Variants in SFMBT2 observed in about 807,000 individuals in gnomAD.
The protein encoded by SFMBT2 is Scm like with four mbt domains 2, also known as scm-like with four MBT domains protein 2.
A neutral mutation model predicts 110.1 loss-of-function variants in SFMBT2; 38 were observed. The ratio of observed to expected loss-of-function variants is 0.35; its 90% CI spans 0.27 to 0.45. The LOEUF is 0.45. Ranked by LOEUF, SFMBT2 falls within the 20% of genes least tolerant of loss-of-function variation. SFMBT2 has a pLI of 1.00. For missense variants in SFMBT2, 1,011 were observed against 1,094.9 expected, an observed-to-expected ratio of 0.92 and a Z score of 1.08; for synonymous variants, 425 against 425.4, an observed-to-expected ratio of 1.00 and a Z score of 0.01.
intron 15 of SFMBT2, among the ~76,000 whole-genome samples, chr10:7,194,437 C>T (rs1838706520): frequency 6.6e-6 from 1 of 152,210 alleles, no homozygotes; most frequent in African/African-American, 2.4e-5. Flanking sequence ...AAGACCATGT[C>T]TGCATCCACA....
At chr10:7,329,397 C>G (rs1843496685) in intron 4 of SFMBT2, 1 of 975,088 alleles carries the variant, frequency 1.0e-6, no homozygotes, top group African/African-American at 1.8e-5. Context: ...CAGCAGCCAT[C>G]AGCGCAGCAC....
At chr10:7,374,829 A>T (rs998367313) in intron 2 of SFMBT2, among the ~76,000 whole-genome samples, 2 of 152,252 alleles carry the variant, frequency 1.3e-5, no homozygotes, top group Non-Finnish European at 2.9e-5. Context: ...TTCACAATAC[A>T]GCCTTTTAAA....
At chr10:7,222,668 C>T (rs1839781367) in intron 10 of SFMBT2, among the ~76,000 whole-genome samples, 3 of 151,718 alleles carry the variant, frequency 2.0e-5, no homozygotes. Flanking sequence ...GTTCAATCCC[C>T]ATCTTCTTTT....
chr10:7,392,740 T>G (rs944628522), intron 1 of SFMBT2, among the ~76,000 whole-genome samples: 43 of 151,968 alleles, frequency 2.8e-4, no homozygotes, highest in Non-Finnish European at 1.3e-4. Flanking sequence ...TAGTCAGATC[T>G]ATCAATTTGC....
Position 7,163,732 on chromosome 10 carries a change from G to T in SFMBT2, c.*38C>A. 1.3e-6 allele frequency: 2 copies of T among 1,573,944 alleles called. No homozygotes were observed. Among genetic ancestry groups the T allele is most frequent in the Non-Finnish European group, 1.7e-6 (2 of 1,146,340 alleles). ...AGTCCTGGAAACCTTTACCAACACCGCATCCCAGCAATAATGGGCCACCTC... is the reference window on the plus strand; with the variant it reads ...AGTCCTGGAAACCTTTACCAACACCTCATCCCAGCAATAATGGGCCACCTC... On this transcript the variant is annotated 3_prime_UTR_variant, in exon 21 of 21. Coordinates refer to ENST00000397167, the MANE Select transcript of SFMBT2 (RefSeq NM_001387889.1). This position sits in a 1 kb window ranked among gnomAD's most constrained non-coding sequence, Gnocchi z 4.8.
chr10:7,370,239 C>T (rs1845024952), intron 3 of SFMBT2, 42 bp downstream of exon 3: 2 of 1,556,436 alleles, frequency 1.3e-6, no homozygotes, highest in East Asian at 4.5e-5. Flanking sequence ...CCTTCCCTTC[C>T]CACTTTCTAG....
chr10:7,347,835 A>G lies in SFMBT2; in HGVS notation c.436+19814T>C, dbSNP rs549832744. ...ATTTGCTGGTTAGTTATTCATGTCA[A>G]CATTCACCCTGCAGAATCCTTCATA... On this transcript the variant is annotated intron_variant, in intron 4 of 20. Transcript: ENST00000397167. Among the ~76,000 whole-genome samples the G allele has an allele frequency of 3.9e-5, 6 of 152,374 alleles. No homozygotes were observed. The East Asian group carries it at 1.2e-3, about 29-fold the overall frequency.
chr10:7,205,243 A>G, intron 12 of SFMBT2: 1 of 243,286 alleles, frequency 4.1e-6, no homozygotes, highest in Non-Finnish European at 6.6e-6. Flanking sequence ...TGCTTGACTA[A>G]TTTACTTATA....
chr10:7,289,717 T>C (rs1324474273), intron 4 of SFMBT2, among the ~76,000 whole-genome samples: 1 of 152,262 alleles, frequency 6.6e-6, no homozygotes, highest in Non-Finnish European at 1.5e-5. Flanking sequence ...CTCAAAGCTC[T>C]AATATTCAAA....
chr10:7,345,578 C>T (rs1384810105), intron 4 of SFMBT2, among the ~76,000 whole-genome samples: 2 of 152,102 alleles, frequency 1.3e-5, no homozygotes, highest in East Asian at 3.9e-4. Flanking sequence ...AGGCTGGTCT[C>T]GAACTCCTGA....
chr10:7,274,568 T>C (rs1471637463), intron 7 of SFMBT2, among the ~76,000 whole-genome samples: 2 of 152,198 alleles, frequency 1.3e-5, no homozygotes, highest in Non-Finnish European at 2.9e-5. Context: ...ACATCTTTGC[T>C]TCCCCTTTTG....
At chr10:7,297,862 T>A (rs560830537) in intron 4 of SFMBT2, among the ~76,000 whole-genome samples, 1 of 152,172 alleles carries the variant, frequency 6.6e-6, no homozygotes, top group African/African-American at 2.4e-5. Flanking sequence ...GACACCTGTA[T>A]ACCTGAGGAT....
chr10:7,343,063 G>A (rs911483088), intron 4 of SFMBT2, among the ~76,000 whole-genome samples: 8 of 151,876 alleles, frequency 5.3e-5, no homozygotes, highest in Non-Finnish European at 2.9e-5. Context: ...GTAGGCCCCC[G>A]TGTCTATGAT....
At chr10:7,359,300 C>G (rs950691435) in intron 4 of SFMBT2, among the ~76,000 whole-genome samples, 5 of 152,332 alleles carry the variant, frequency 3.3e-5, no homozygotes, top group African/African-American at 1.2e-4. Context: ...CCGTGATCAT[C>G]TGAGCTGCAT....
chr10:7,388,330 GAT>G (rs2132097863), intron 1 of SFMBT2, among the ~76,000 whole-genome samples: 1 of 124,278 alleles, frequency 8.0e-6, no homozygotes, highest in Admixed American at 7.6e-5. Context: ...AAAGAAGGAT[GAT>G]GATGATGATG....
intron 4 of SFMBT2, among the ~76,000 whole-genome samples, chr10:7,354,352 A>G (rs994418325): frequency 6.6e-6 from 1 of 152,306 alleles, no homozygotes; most frequent in African/African-American, 2.4e-5. Flanking sequence ...AACACGAATA[A>G]CGTGGCAGTG....
At chr10:7,168,104 G>GA (rs1042330174) in intron 20 of SFMBT2, among the ~76,000 whole-genome samples, 1 of 152,110 alleles carries the variant, frequency 6.6e-6, no homozygotes, top group African/African-American at 2.4e-5. Flanking sequence ...CTACAAGGGG[G>GA]ACAGTGTCGG....
chr10:7,216,614 G>C (rs1009893599), intron 11 of SFMBT2, among the ~76,000 whole-genome samples: 1 of 152,074 alleles, frequency 6.6e-6, no homozygotes, highest in Non-Finnish European at 1.5e-5. Context: ...CTCCTTGCCA[G>C]TGCCCCATCT....
chr10:7,269,713 TGC>T (rs879690804), intron 7 of SFMBT2, among the ~76,000 whole-genome samples: 2,005 of 11,524 alleles, frequency 0.17, 24 homozygotes, highest in Middle Eastern at 0.46. Flanking sequence ...AGTAAGTGTG[TGC>T]GTGTGTGTGT....
Sources: gnomAD v4.1 joint callset for allele counts (sites outside exome capture counted in the v4.1 genomes callset) on GRCh38, gnomAD v4.1.1 for gene constraint, Gnocchi (gnomAD v3.1) non-coding constraint, MANE v1.5 for transcripts, NCBI Gene and HGNC (gene_info 2026-07-23, HGNC 2026-07-21) for gene names.